H2BC18: variants seen among roughly 807,000 people sequenced by gnomAD.
The protein encoded by H2BC18 is histone H2B type 2-F.
H2BC18 carries 8 observed loss-of-function variants against 6.3 expected under a neutral mutation model. The observed-to-expected ratio is 1.28, with a 90% confidence interval of 0.75 to 2.31. The LOEUF is 2.31. Among genes scored for constraint, H2BC18 ranks in the 30% most tolerant of loss-of-function variants. The pLI is 0.00. For missense variants in H2BC18, 106 were observed against 174.5 expected, an observed-to-expected ratio of 0.61 and a Z score of 2.21; for synonymous variants, 104 against 78.1, an observed-to-expected ratio of 1.33 and a Z score of -1.75.
intron 1 of H2BC18, among the ~76,000 whole-genome samples, chr1:149,789,034 C>G (rs2091627750): frequency 6.6e-6 from 1 of 151,876 alleles, no homozygotes; most frequent in Non-Finnish European, 1.5e-5. Context: ...ATCTACCTCT[C>G]AGGGACAAAG....
In H2BC18 at chr1:149,812,187, A is replaced by C; in HGVS notation, c.137T>G (p.Leu46Arg). ...GCCGGTGTCGGGGTGGACCTGCTTC[A>C]GCACCTTGTACACGTAAACGGAGTA... ...ESYSVYVYKVLKQVHPDTGIS... is the reference protein window; with the variant it reads ...ESYSVYVYKVRKQVHPDTGIS... The change falls in exon 1 of 1, where the codon CTG becomes CGG. Residue 46 changes from leucine to arginine, a missense_variant. Leu to Arg is a moderately radical substitution (Grantham distance 102). This residue lies in a region of H2BC18 where 70 missense variants were observed against 64.6 expected (regional missense o/e 1.08). Transcript: ENST00000369167. 1.9e-6 allele frequency: 3 copies of C among 1,614,280 alleles called. No homozygotes were observed. Among genetic ancestry groups the C allele is most frequent in the Non-Finnish European group, 2.5e-6 (3 of 1,180,048 alleles).
downstream of H2BC18, among the ~76,000 whole-genome samples, chr1:149,809,411 A>T (rs1320140318): frequency 6.6e-6 from 1 of 152,018 alleles, no homozygotes; most frequent in African/African-American, 2.4e-5. Context: ...TATGAAGGGC[A>T]ATAATTAAAA....
At chr1:149,805,243 A>G (rs1165848581) in intron 1 of H2BC18, 2 of 151,920 alleles carry the variant, frequency 1.3e-5, no homozygotes, top group African/African-American at 4.8e-5. Context: ...TAATTTAAAT[A>G]ATTATCGGGG....
At chr1:149,796,419 G>A (rs1430253867) in intron 1 of H2BC18, among the ~76,000 whole-genome samples, 3 of 152,162 alleles carry the variant, frequency 2.0e-5, no homozygotes, top group African/African-American at 4.8e-5. Flanking sequence ...AAGCAATGGC[G>A]TGATATCCAG....
intron 1 of H2BC18, chr1:149,788,503 T>G (rs782518905): frequency 6.2e-7 from 1 of 1,613,686 alleles, no homozygotes; most frequent in African/African-American, 1.3e-5. Flanking sequence ...GTTTTTCCAC[T>G]GGAATTCTAA....
chr1:149,811,843 G>A, downstream of H2BC18: 1 of 1,075,408 alleles, frequency 9.3e-7, no homozygotes, highest in Non-Finnish European at 1.4e-6. Flanking sequence ...GCTATCAAAC[G>A]CTCTGACAAG....
At chr1:149,785,091 A>C (rs2091505735) in intron 1 of H2BC18, among the ~76,000 whole-genome samples, 1 of 152,246 alleles carries the variant, frequency 6.6e-6, no homozygotes, top group Non-Finnish European at 1.5e-5. Flanking sequence ...GTTTCTATTC[A>C]TCAAGAGATG....
At chr1:149,784,101 A>T in intron 1 of H2BC18, 1 of 1,611,650 alleles carries the variant, frequency 6.2e-7, no homozygotes, top group Non-Finnish European at 8.5e-7. Flanking sequence ...TCTGCCTGGG[A>T]GCAGCTCTAC....
At chr1:149,782,706 G>GT (rs1193425811) in exon 2 of H2BC18, 1 of 1,553,722 alleles carries the variant, frequency 6.4e-7, no homozygotes, top group Non-Finnish European at 8.8e-7. Flanking sequence ...TATCTTGCAT[G>GT]TTACAGATTT....
chr1:149,807,865 C>A (rs1337563068), downstream of H2BC18, among the ~76,000 whole-genome samples: 1 of 150,848 alleles, frequency 6.6e-6, no homozygotes, highest in East Asian at 1.9e-4. Flanking sequence ...AATAATCACA[C>A]CCCAAGAAAA....
chr1:149,805,116 G>GT (rs1553753755), intron 1 of H2BC18: 1 of 152,236 alleles, frequency 6.6e-6, no homozygotes, highest in Non-Finnish European at 1.5e-5. Flanking sequence ...TCTCTTTTCT[G>GT]TTTTTTCTAG....
chr1:149,793,547 A>G (rs1256843255), intron 1 of H2BC18, among the ~76,000 whole-genome samples: 1 of 151,986 alleles, frequency 6.6e-6, no homozygotes, highest in Non-Finnish European at 1.5e-5. Context: ...GGTGGGTCGG[A>G]CTTAGAGGGG....
chr1:149,786,054 T>A (rs1353071817), intron 1 of H2BC18: 2 of 152,168 alleles, frequency 1.3e-5, no homozygotes, highest in African/African-American at 4.8e-5. Flanking sequence ...TTTTGACCAC[T>A]TACAAATAGT....
At chr1:149,808,347 C>T (rs2091942432), downstream of H2BC18, among the ~76,000 whole-genome samples, 1 of 152,210 alleles carries the variant, frequency 6.6e-6, no homozygotes, top group Admixed American at 6.5e-5. Flanking sequence ...TAAGTTCTCA[C>T]AGAATTTTCC....
intron 1 of H2BC18, among the ~76,000 whole-genome samples, chr1:149,798,747 G>A (rs1255011990): frequency 1.3e-5 from 2 of 152,076 alleles, no homozygotes; most frequent in Non-Finnish European, 2.9e-5. Flanking sequence ...AAGTAGCTGG[G>A]ACTACAGGTG....
intron 1 of H2BC18, among the ~76,000 whole-genome samples, chr1:149,804,304 A>G (rs2091898634): frequency 6.6e-6 from 1 of 152,172 alleles, no homozygotes; most frequent in African/African-American, 2.4e-5. Context: ...GCCAAATGTT[A>G]TATCGGCCTT....
chr1:149,800,586 G>A (rs1159408767), intron 1 of H2BC18, among the ~76,000 whole-genome samples: 12 of 141,642 alleles, frequency 8.5e-5, no homozygotes, highest in Non-Finnish European at 1.5e-4. Context: ...TGGGGTTGAA[G>A]ACCAAATATA....
intron 1 of H2BC18, chr1:149,786,018 T>C (rs1255132168): frequency 6.6e-6 from 1 of 152,134 alleles, no homozygotes; most frequent in Non-Finnish European, 1.5e-5. Context: ...TTTCCCATTC[T>C]GCTGAGGGGC....
chr1:149,793,302 C>G, intron 1 of H2BC18: 1 of 1,177,880 alleles, frequency 8.5e-7, no homozygotes, highest in South Asian at 1.5e-5. Flanking sequence ...CCGTCCAGCT[C>G]GGAGGACCTC....
Sources: gnomAD v4.1 joint callset for allele counts (sites outside exome capture counted in the v4.1 genomes callset) on GRCh38, gnomAD v4.1.1 for gene constraint, gnomAD v4.1.1 regional missense constraint, MANE v1.5 for transcripts, NCBI Gene and HGNC (gene_info 2026-07-23, HGNC 2026-07-21) for gene names.